Variants in CYGB observed in about 807,000 individuals in gnomAD.
The protein encoded by CYGB is cytoglobin, also known as histoglobin.
Under a neutral mutation model 20.7 loss-of-function variants are expected in CYGB, and 13 were observed. The observed-to-expected ratio is 0.63, with a 90% confidence interval of 0.41 to 1.00. The LOEUF is 1.00. Among genes scored for constraint, CYGB ranks in the 50% least tolerant of loss-of-function variants. The probability of loss-of-function intolerance (pLI) is 0.00; values close to 1 mark genes in which losing one functional copy is unlikely to be tolerated. For missense variants in CYGB, 218 were observed against 257.2 expected (o/e 0.85, Z 1.04); for synonymous variants, 93 against 107.4 (o/e 0.87, Z 0.83).
chr17:76,537,424 T>C lies in CYGB; in HGVS notation c.119A>G (p.Asp40Gly). 6.3e-7 allele frequency: 1 copy of C among 1,598,062 alleles called. No individual in the cohort carries two copies. Among genetic ancestry groups the C allele is most frequent in the African/African-American group, 1.4e-5 (1 of 72,888 alleles). The part of the protein sequence containing the change: ...MWARLYANCE[D>G]VGVAILVRFF... The stretch of plus-strand genomic sequence containing the variant: ...CCTCACCAGGATGGCCACCCCCACG[T>C]CCTCGCAGTTGGCATAGAGCCGGGC... Residue 40 changes from aspartate (D) to glycine (G), a missense_variant, in exon 1 of 4, where the codon GAC becomes GGC. Coordinates refer to ENST00000293230, the MANE Select transcript of CYGB (RefSeq NM_134268.5).
upstream of CYGB, chr17:76,539,885 C>T (rs1309135212): frequency 5.2e-6 from 3 of 581,802 alleles, no homozygotes; most frequent in Non-Finnish European, 9.2e-6. Context: ...CAGATCGAGA[C>T]TCCGAATACG....
chr17:76,543,589 C>T (rs2075017263), intron 1 of CYGB, among the ~76,000 whole-genome samples: 1 of 152,240 alleles, frequency 6.6e-6, no homozygotes, highest in Admixed American at 6.5e-5. Context: ...CTCCCAGGCT[C>T]ACACTGGAGC....
chr17:76,543,775 C>T (rs2278640), intron 1 of CYGB: 9 of 470,530 alleles, frequency 1.9e-5, no homozygotes, highest in Admixed American at 1.2e-4. Flanking sequence ...CAGTGGCACT[C>T]GCTTTTGTGT....
In CYGB at chr17:76,531,450, G is replaced by A. The variant is rs890710742; in HGVS notation, c.375+10C>T. 3 of 1,599,718 alleles carry A rather than the reference G, an allele frequency of 1.9e-6. No individual in the cohort carries two copies. Among genetic ancestry groups the A allele is most frequent in the Admixed American group, 1.7e-5 (1 of 59,758 alleles). On this transcript the variant is annotated intron_variant, in intron 2 of 3. Transcript: ENST00000293230. This position sits in a 1 kb window ranked among gnomAD's most constrained non-coding sequence, Gnocchi z 7.4. ...GCGGTGGGGGCTCTGCAGCAGATGG[G>A]GGCGCATACCTTGAAGTACACCGGT...
intron 3 of CYGB, chr17:76,529,055 A>G (rs12949753): frequency 3.2e-6 from 1 of 313,360 alleles, no homozygotes; most frequent in Non-Finnish European, 3.8e-6. Flanking sequence ...CCCCCCCCCC[A>G]CCCCCCACCC....
rs1462141547 is a variant in CYGB, at chr17:76,528,814, G to A, written c.540-203C>T. The A allele has an allele frequency of 8.9e-7, 1 of 1,118,402 alleles. No individual in the cohort carries two copies. The highest frequency in any genetic ancestry group is 3.2e-5 in the East Asian group (1 of 31,106). 69.3% of individuals were successfully genotyped at this position (1,118,402 alleles called of 1,614,324 possible). On this transcript the variant is annotated intron_variant, in intron 3 of 3. Transcript: ENST00000293230. The surrounding 1 kb of genome is among the most constrained non-coding windows in gnomAD (Gnocchi z 5.8). Reference sequence around the variant, plus strand: ...TGTGTGATCTCAGGCAAGTCTACTGGCCCATGGGAGCTCCGGATCTTTTTC... The same window carrying A: ...TGTGTGATCTCAGGCAAGTCTACTGACCCATGGGAGCTCCGGATCTTTTTC...
chr17:76,544,699 G>A (rs1478154453), intron 1 of CYGB: 3 of 456,664 alleles, frequency 6.6e-6, no homozygotes, highest in African/African-American at 2.0e-5. Flanking sequence ...GAGGGCCAGA[G>A]GGCACTGTTC....
chr17:76,537,515 T>C lies in CYGB; in HGVS notation c.28A>G (p.Ile10Val), dbSNP rs766973651. The C allele has an allele frequency of 1.3e-6, 2 of 1,573,560 alleles. No homozygotes were observed. Among genetic ancestry groups the C allele is most frequent in the East Asian group, 5.1e-5 (2 of 39,562 alleles). MEKVPGEME[I>V]ERRERSEELS... ...TCCTCGCTCCGCTCCCTGCGCTCGA[T>C]CTCCATCTCGCCTGGCACTTTCTCC... The change falls in exon 1 of 4, where the codon ATC becomes GTC. Residue 10 changes from isoleucine (I) to valine (V), a missense_variant. By Grantham distance (29) the Ile-to-Val change is conservative. Transcript: ENST00000293230.
At chr17:76,534,146 T>TTCTCTCTCTCTCTC (rs71158013) in intron 1 of CYGB, among the ~76,000 whole-genome samples, 4,431 of 128,736 alleles carry the variant, frequency 0.034, 123 homozygotes, top group South Asian at 0.081. Context: ...CTCTTTCTCT[T>TTCTCTCTCTCTCTC]TCTCTCTCTC....
Position 76,528,106 on chromosome 17 carries a change from A to C in CYGB, c.*472T>G. 1 of 406,948 alleles carries C rather than the reference A, an allele frequency of 2.5e-6. No homozygotes were observed. The allele number at this position is 406,948 out of a possible 1,614,324, so 25.2% of individuals were successfully genotyped here. A position where few individuals can be genotyped will look rare whatever the true frequency, so the allele number is the denominator to read the frequency against. On this transcript the variant is annotated 3_prime_UTR_variant, in exon 4 of 4. Coordinates refer to ENST00000293230, the MANE Select transcript of CYGB (RefSeq NM_134268.5). The surrounding 1 kb of genome is among the most constrained non-coding windows in gnomAD (Gnocchi z 5.8). ...TCTGGGCGCCGCGGATACACATTCT[A>C]GATATGTATGTGTGTATATATATAT...
intron 3 of CYGB, chr17:76,529,060 C>A: frequency 1.8e-6 from 1 of 541,448 alleles, no homozygotes; most frequent in Non-Finnish European, 2.3e-6. Flanking sequence ...CCCCCACCCC[C>A]CACCCACGCA....
intron 1 of CYGB, among the ~76,000 whole-genome samples, chr17:76,548,510 G>A (rs911073510): frequency 6.6e-6 from 1 of 152,232 alleles, no homozygotes; most frequent in African/African-American, 2.4e-5. Flanking sequence ...CCCAGCCTCG[G>A]TGGCCTAGTT....
chr17:76,540,036 C>G (rs547310148), upstream of CYGB: 2 of 1,205,690 alleles, frequency 1.7e-6, no homozygotes, highest in Non-Finnish European at 2.4e-6. The surrounding 1 kb of genome is among the most constrained non-coding windows in gnomAD (Gnocchi z 5.0). Context: ...CAGCAGGAAC[C>G]GCAGGACAGA....
At chr17:76,544,608 C>T (rs902869199) in intron 1 of CYGB, 3 of 456,628 alleles carry the variant, frequency 6.6e-6, no homozygotes, top group Admixed American at 4.7e-5. Flanking sequence ...GCCGTGAGCC[C>T]GTGATCGCCT....
chr17:76,550,104 C>T (rs917232468), intron 1 of CYGB: 6 of 151,990 alleles, frequency 3.9e-5, no homozygotes, highest in Non-Finnish European at 7.3e-5. Flanking sequence ...TACCAGCTTA[C>T]ACTACCACGC....
chr17:76,537,745 G>C (rs1470350609), upstream of CYGB: 6 of 225,012 alleles, frequency 2.7e-5, no homozygotes, highest in Non-Finnish European at 4.4e-5. Flanking sequence ...ATATGTGCGG[G>C]GGGCGGGGGA....
chr17:76,540,250 T>TGGGGGGGGGGGGGGGGTGGG, upstream of CYGB: 1 of 463,680 alleles, frequency 2.2e-6, no homozygotes, highest in Non-Finnish European at 3.6e-6. The surrounding 1 kb of genome is among the most constrained non-coding windows in gnomAD (Gnocchi z 5.0). Context: ...TGGCGGTTGG[T>TGGGGGGGGGGGGGGGGTGGG]CGGGGGGGGG....
intron 1 of CYGB, chr17:76,545,043 T>C (rs1333884722): frequency 2.3e-6 from 1 of 437,606 alleles, no homozygotes; most frequent in Non-Finnish European, 4.6e-6. Context: ...GCAGCTGGGG[T>C]GCCATGTGGG....
At position 76,546,713 on chromosome 17, in the gene CYGB, A is replaced by G. The variant is rs2075057138; in HGVS notation, c.-53+4149T>C. On this transcript the variant is annotated intron_variant, in intron 1 of 3. Coordinates refer to the CYGB transcript ENST00000589145. This position sits in a 1 kb window ranked among gnomAD's most constrained non-coding sequence, Gnocchi z 4.5. Reference sequence around the variant, plus strand: ...AACAGTTTGGTTCGCACGGAAGCTTATGTTAACATAATGATGATACTAATC... The same window carrying G: ...AACAGTTTGGTTCGCACGGAAGCTTGTGTTAACATAATGATGATACTAATC... 6.6e-6 allele frequency: 1 copy of G among 152,242 alleles called. No homozygotes were observed. Among genetic ancestry groups the G allele is most frequent in the Non-Finnish European group, 1.5e-5 (1 of 68,044 alleles). 9.4% of individuals were successfully genotyped at this position (152,242 alleles called of 1,614,324 possible).
Sources: allele counts gnomAD v4.1 joint callset (sites outside exome capture counted in the v4.1 genomes callset), GRCh38; gene constraint gnomAD v4.1.1; non-coding constraint Gnocchi (gnomAD v3.1); transcripts MANE v1.5; gene names NCBI Gene and HGNC (gene_info 2026-07-23, HGNC 2026-07-21).